The following NTM variants were observed in gnomAD, a reference collection of about 807,000 sequenced individuals.
NTM encodes neurotrimin, also known as IgLON family member 2.
NTM carries 13 observed loss-of-function variants against 42.1 expected under a neutral mutation model. The ratio of observed to expected loss-of-function variants is 0.31; its 90% confidence interval spans 0.20 to 0.49. The LOEUF is 0.49. Ranked by LOEUF, NTM falls within the 20% of genes least tolerant of loss-of-function variation. NTM has a pLI of 0.99. For synonymous variants in NTM, 187 were observed against 179.2 expected (o/e 1.04, Z -0.35); for missense variants, 373 against 452.8 (o/e 0.82, Z 1.60).
chr11:132,019,160 T>G (rs1299970330), intron 2 of NTM, among the ~76,000 whole-genome samples: 5 of 151,750 alleles, frequency 3.3e-5, no homozygotes, highest in Non-Finnish European at 5.9e-5. Context: ...TTTTTTTGTT[T>G]TTTTTCATTC....
At chr11:132,163,091 G>A (rs1343054978) in intron 3 of NTM, among the ~76,000 whole-genome samples, 1 of 152,210 alleles carries the variant, frequency 6.6e-6, no homozygotes, top group African/African-American at 2.4e-5. Flanking sequence ...CCCAGTGGAA[G>A]GAGCGTCTGC....
At chr11:131,372,566 A>G (rs1302036434) in intron 1 of NTM, among the ~76,000 whole-genome samples, 1 of 151,874 alleles carries the variant, frequency 6.6e-6, no homozygotes, top group Non-Finnish European at 1.5e-5. Context: ...GGGGGTTGAC[A>G]GCAAAAATGA....
chr11:132,179,190 C>T (rs758209696), intron 3 of NTM, among the ~76,000 whole-genome samples: 5 of 152,158 alleles, frequency 3.3e-5, no homozygotes, highest in South Asian at 2.1e-4. Context: ...GGATCAAAAC[C>T]AAACCGGATC....
intron 1 of NTM, among the ~76,000 whole-genome samples, chr11:131,840,856 A>G (rs892037992): frequency 1.3e-5 from 2 of 152,086 alleles, no homozygotes; most frequent in African/African-American, 4.8e-5. Context: ...GTGAAGGAGG[A>G]AGTGAGGCCA....
chr11:131,854,253 C>T (rs1048605350), intron 1 of NTM, among the ~76,000 whole-genome samples: 5 of 152,172 alleles, frequency 3.3e-5, no homozygotes, highest in Non-Finnish European at 4.4e-5. Flanking sequence ...AGATAAGGTA[C>T]ACAGTGATTT....
intron 1 of NTM, among the ~76,000 whole-genome samples, chr11:131,732,983 A>T (rs1351514122): frequency 6.6e-6 from 1 of 152,216 alleles, no homozygotes; most frequent in Non-Finnish European, 1.5e-5. Context: ...ACATATAATT[A>T]GTATGATGCA....
At chr11:131,465,151 C>A (rs1375247470) in intron 1 of NTM, among the ~76,000 whole-genome samples, 2 of 152,164 alleles carry the variant, frequency 1.3e-5, no homozygotes, top group African/African-American at 2.4e-5. Flanking sequence ...GTGGCATGAC[C>A]CTCCCATTTG....
At chr11:131,636,440 C>T (rs2134177853) in intron 1 of NTM, among the ~76,000 whole-genome samples, 1 of 152,326 alleles carries the variant, frequency 6.6e-6, no homozygotes, top group East Asian at 1.9e-4. Context: ...TCCCTATCCA[C>T]AGGCGTGGCA....
intron 1 of NTM, among the ~76,000 whole-genome samples, chr11:131,619,993 T>TG (rs1249898566): frequency 1.3e-5 from 2 of 151,924 alleles, no homozygotes; most frequent in African/African-American, 2.4e-5. Flanking sequence ...TTAGTAGAGA[T>TG]GGGGTTTCAC....
At chr11:131,507,655 C>T (rs2047661462) in intron 1 of NTM, among the ~76,000 whole-genome samples, 1 of 147,584 alleles carries the variant, frequency 6.8e-6, no homozygotes, top group Non-Finnish European at 1.5e-5. Flanking sequence ...GGCAGTATGG[C>T]CATTTTCACG....
At chr11:131,774,807 A>C (rs1044559613) in intron 1 of NTM, among the ~76,000 whole-genome samples, 1 of 152,198 alleles carries the variant, frequency 6.6e-6, no homozygotes, top group African/African-American at 2.4e-5. Flanking sequence ...CTCTTCCTAG[A>C]TGCATGTGCC....
At chr11:132,334,563 C>A (rs962239248) in intron 8 of NTM, among the ~76,000 whole-genome samples, 2 of 152,202 alleles carry the variant, frequency 1.3e-5, no homozygotes, top group Non-Finnish European at 2.9e-5. Flanking sequence ...AAGCAGCAGG[C>A]AGACACATTG....
intron 7 of NTM, among the ~76,000 whole-genome samples, chr11:132,322,420 A>G (rs9667546): frequency 0.022 from 3,211 of 143,080 alleles, 105 homozygotes; most frequent in African/African-American, 0.08. Context: ...CAAAGATCAA[A>G]AGAGACAAAG....
intron 2 of NTM, among the ~76,000 whole-genome samples, chr11:131,933,241 C>A (rs779988164): frequency 1.3e-5 from 2 of 152,200 alleles, no homozygotes; most frequent in Non-Finnish European, 2.9e-5. Flanking sequence ...GTGCGTGGGG[C>A]CCTGGGGCAG....
chr11:132,066,031 T>C (rs1399386467), intron 2 of NTM, among the ~76,000 whole-genome samples: 1 of 152,182 alleles, frequency 6.6e-6, no homozygotes, highest in Non-Finnish European at 1.5e-5. Flanking sequence ...TTGTATTCAA[T>C]ATTTTTAGTT....
At chr11:131,653,997 CTG>C (rs746790704) in intron 1 of NTM, among the ~76,000 whole-genome samples, 4 of 152,214 alleles carry the variant, frequency 2.6e-5, no homozygotes, top group African/African-American at 4.8e-5. Flanking sequence ...AACAATGTGA[CTG>C]TCTCTTGGCT....
chr11:131,657,966 A>G (rs2658819), intron 1 of NTM, among the ~76,000 whole-genome samples: 122,508 of 152,066 alleles, frequency 0.81, 49,677 homozygotes, highest in East Asian at 0.89. Flanking sequence ...CACATTCTGA[A>G]GTGAGCTCTG....
intron 2 of NTM, among the ~76,000 whole-genome samples, chr11:132,129,150 G>A (rs566968469): frequency 2.6e-4 from 40 of 152,116 alleles, no homozygotes; most frequent in Admixed American, 6.6e-4. Flanking sequence ...ATAGGGTGGG[G>A]TCTATTGGTC....
chr11:131,923,740 C>T (rs1028269470), intron 2 of NTM, among the ~76,000 whole-genome samples: 1 of 152,196 alleles, frequency 6.6e-6, no homozygotes, highest in African/African-American at 2.4e-5. Flanking sequence ...AAGTTTCACG[C>T]GTCATTCAAT....
Sources: allele counts gnomAD v4.1 joint callset (sites outside exome capture counted in the v4.1 genomes callset), GRCh38; gene constraint gnomAD v4.1.1; transcripts MANE v1.5; gene names NCBI Gene and HGNC (gene_info 2026-07-23, HGNC 2026-07-21).